The following DLG1 variants were observed in gnomAD, a reference collection of about 807,000 sequenced individuals.
DLG1 encodes discs large MAGUK scaffold protein 1.
DLG1 carries 42 observed loss-of-function variants against 123.4 expected under a neutral mutation model. The observed-to-expected ratio is 0.34, with a 90% CI of 0.27 to 0.44. DLG1 has a LOEUF of 0.44. DLG1 is among the 20% of genes least tolerant of loss of function. DLG1 has a pLI of 1.00. For synonymous variants in DLG1, 317 were observed against 356.2 expected (o/e 0.89, Z 1.24); for missense variants, 942 against 1,082.6 (o/e 0.87, Z 1.82).
intron 4 of DLG1, among the ~76,000 whole-genome samples, chr3:197,248,025 C>G (rs1752597574): frequency 6.6e-6 from 1 of 152,136 alleles, no homozygotes; most frequent in Admixed American, 6.5e-5. Flanking sequence ...GGGCCGCCAT[C>G]AGAAGCCATA....
intron 5 of DLG1, among the ~76,000 whole-genome samples, chr3:197,179,894 G>T (rs1809210817): frequency 1.3e-5 from 2 of 151,942 alleles, no homozygotes; most frequent in South Asian, 2.1e-4. Flanking sequence ...CTATATTTTT[G>T]ACTTAGGACA....
rs1046424821 is a variant in DLG1 at position 197,142,777 on chromosome 3, G to A, written c.538-9C>T. On this transcript the variant is annotated splice_polypyrimidine_tract_variant and intron_variant, in intron 6 of 24. Transcript: ENST00000667157. ...GCATCTGTGCCATTAACCTACAGGG[G>A]AAAAGAAAAGCAGCTCAGAAACTTC... 48 of 1,598,320 alleles carry A rather than the reference G, an allele frequency of 3.0e-5. No individual in the cohort carries two copies. Among genetic ancestry groups the A allele is most frequent in the Non-Finnish European group, 4.0e-5 (47 of 1,175,488 alleles).
chr3:197,245,991 C>T (rs1462629860), intron 4 of DLG1, among the ~76,000 whole-genome samples: 1 of 150,296 alleles, frequency 6.7e-6, no homozygotes, highest in African/African-American at 2.5e-5. Context: ...ACTGATGAGA[C>T]TTCGTTTAGT....
intron 13 of DLG1, among the ~76,000 whole-genome samples, chr3:197,107,962 T>C (rs2149336915): frequency 6.6e-6 from 1 of 152,300 alleles, no homozygotes; most frequent in Non-Finnish European, 1.5e-5. Context: ...TTTCCAGAGA[T>C]ACCCTTTAAC....
intron 4 of DLG1, 122 bp from the exon 5 acceptor site, chr3:197,194,711 A>G: frequency 1.8e-6 from 1 of 554,464 alleles, no homozygotes; most frequent in South Asian, 3.1e-5. Context: ...TTATGGTTTA[A>G]TACATCAGAT....
At chr3:197,153,812 C>T (rs1577167842) in intron 5 of DLG1, among the ~76,000 whole-genome samples, 2 of 152,170 alleles carry the variant, frequency 1.3e-5, no homozygotes, top group Admixed American at 1.3e-4. Flanking sequence ...TAAGAAGACC[C>T]TACGTTTACA....
Position 197,194,539 on chromosome 3 carries a change from T to C in DLG1, c.369A>G (p.Pro123=), listed in dbSNP as rs760973818. ...GACCTATCACTTCATTTGTGATTTG[T>C]GGGGAAATATGCTCTTGAGGAGGTG... The part of the protein sequence containing the change: ...EDTPPQEHIS[P]QITNEVIGPE... Residue 123 remains proline (P), a synonymous_variant, in exon 5 of 25, where the codon CCA becomes CCG. Transcript: ENST00000667157. The C allele has an allele frequency of 6.2e-7, 1 of 1,606,758 alleles. No homozygotes were observed.
chr3:197,117,532 A>G (rs1355857048), intron 12 of DLG1, among the ~76,000 whole-genome samples: 5 of 152,216 alleles, frequency 3.3e-5, no homozygotes, highest in African/African-American at 1.2e-4. Flanking sequence ...ATGCTAACAA[A>G]TGAGTGTATC....
At chr3:197,291,340 C>CACACAG (rs3220778) in intron 3 of DLG1, among the ~76,000 whole-genome samples, 1 of 146,488 alleles carries the variant, frequency 6.8e-6, no homozygotes, top group Non-Finnish European at 1.5e-5. Flanking sequence ...CACACACACA[C>CACACAG]AGTTAGCAAG....
At chr3:197,139,134 C>A (rs990950644) in intron 8 of DLG1, among the ~76,000 whole-genome samples, 3 of 151,998 alleles carry the variant, frequency 2.0e-5, no homozygotes, top group Non-Finnish European at 2.9e-5. Context: ...CTGATTTGTT[C>A]CTAGTCTTAG....
At chr3:197,083,118 T>G (rs547187756) in intron 16 of DLG1, among the ~76,000 whole-genome samples, 1 of 152,334 alleles carries the variant, frequency 6.6e-6, no homozygotes, top group East Asian at 1.9e-4. Flanking sequence ...GGATTTGTCA[T>G]CAACTGAAAG....
intron 3 of DLG1, among the ~76,000 whole-genome samples, chr3:197,291,952 A>C (rs1057055232): frequency 6.6e-6 from 1 of 152,260 alleles, no homozygotes; most frequent in African/African-American, 2.4e-5. Context: ...TTATCAAAAA[A>C]AGAAAGGAAA....
At chr3:197,273,867 C>CAAAAAAAAAAAAAAA (rs1373412270) in intron 4 of DLG1, among the ~76,000 whole-genome samples, 20 of 43,508 alleles carry the variant, frequency 4.6e-4, no homozygotes, top group African/African-American at 1.5e-3. Context: ...AAAAAAAAAC[C>CAAAAAAAAAAAAAAA]AAAACAAACC....
chr3:197,087,958 G>A (rs916743205), intron 15 of DLG1, among the ~76,000 whole-genome samples: 3 of 152,206 alleles, frequency 2.0e-5, no homozygotes, highest in African/African-American at 7.2e-5. Flanking sequence ...CTGAAACTTG[G>A]TGGAGAAGGG....
chr3:197,060,551 T>C (rs971544304), intron 22 of DLG1, among the ~76,000 whole-genome samples: 10 of 152,242 alleles, frequency 6.6e-5, no homozygotes, highest in Non-Finnish European at 1.0e-4. Context: ...GCAAACCTTT[T>C]AAATAAACAA....
intron 5 of DLG1, among the ~76,000 whole-genome samples, chr3:197,170,588 G>A (rs75101483): frequency 0.032 from 4,805 of 152,198 alleles, 104 homozygotes; most frequent in Non-Finnish European, 0.052. Flanking sequence ...TAATAGGACT[G>A]TTTTTCTCTT....
At chr3:197,105,129 T>C (rs1765652596) in intron 13 of DLG1, 124 bp from the exon 14 acceptor site, 1 of 566,182 alleles carries the variant, frequency 1.8e-6, no homozygotes. Context: ...CACTAAAATG[T>C]TTCTTGTTCT....
intron 4 of DLG1, among the ~76,000 whole-genome samples, chr3:197,255,761 T>C (rs1213644151): frequency 1.5e-5 from 2 of 129,582 alleles, no homozygotes; most frequent in African/African-American, 2.9e-5. Flanking sequence ...ACCTAATCTA[T>C]AGTGATATGA....
At chr3:197,152,183 TTAA>T (rs1238184070) in intron 5 of DLG1, among the ~76,000 whole-genome samples, 5 of 152,172 alleles carry the variant, frequency 3.3e-5, no homozygotes, top group Admixed American at 6.5e-5. Context: ...AAAATGAATT[TTAA>T]TAATAACTGT....
Sources: allele counts gnomAD v4.1 joint callset (sites outside exome capture counted in the v4.1 genomes callset), GRCh38; gene constraint gnomAD v4.1.1; transcripts MANE v1.5; gene names NCBI Gene and HGNC (gene_info 2026-07-23, HGNC 2026-07-21).